Variants in DUS1L observed in about 807,000 individuals in gnomAD.
DUS1L encodes the protein dihydrouridine synthase 1 like, also known as tRNA-dihydrouridine(16/17) synthase [NAD(P)(+)]-like.
DUS1L carries 56 observed loss-of-function variants against 61.2 expected under a neutral mutation model. The observed-to-expected ratio is 0.92, with a 90% CI of 0.74 to 1.14. The LOEUF is 1.14. Among genes scored for constraint, DUS1L ranks in the 50% most tolerant of loss-of-function variants. DUS1L has a pLI of 0.00. For synonymous variants in DUS1L, 278 were observed against 259.5 expected, an observed-to-expected ratio of 1.07 and a Z score of -0.69; for missense variants, 630 against 632.4, an observed-to-expected ratio of 1.00 and a Z score of 0.04.
At chr17:82,058,558 A>G (rs977737533) in intron 12 of DUS1L, 142 bp from the exon 13 acceptor site, 11 of 1,450,280 alleles carry the variant, frequency 7.6e-6, no homozygotes, top group Non-Finnish European at 9.9e-6. Context: ...CCCAAGCCAG[A>G]TGCCTCTCCC....
In DUS1L at chr17:82,060,336, C is replaced by G; in HGVS notation, c.1023-243G>C. 1.5e-5 allele frequency: 9 copies of G among 607,158 alleles called. No individual in the cohort carries two copies. In the South Asian group the frequency reaches 1.5e-4, roughly 10 times the overall value. The allele number at this position is 607,158 out of a possible 1,614,324, so 37.6% of individuals were successfully genotyped here. A position where few individuals can be genotyped will look rare whatever the true frequency, so the allele number is the denominator to read the frequency against. ...TCTGAACCACCAGCTCCAGGGAGGG[C>G]TGTGGCCACGGATGGCCTCACCTCT... On this transcript the variant is annotated intron_variant, in intron 10 of 13. Transcript: ENST00000306796.
intron 4 of DUS1L, 113 bp from the exon 5 acceptor site, chr17:82,063,086 G>T: frequency 1.1e-6 from 1 of 940,904 alleles, no homozygotes; most frequent in South Asian, 1.4e-5. Flanking sequence ...TTGCCGGGAG[G>T]CTGGGAGGCA....
At chr17:82,061,415 A>G (rs2033488497) in intron 7 of DUS1L, 62 bp from the exon 8 acceptor site, 1 of 1,532,362 alleles carries the variant, frequency 6.5e-7, no homozygotes, top group Non-Finnish European at 8.8e-7. Context: ...GGCACAGGAA[A>G]GCCTGGGACA....
In DUS1L at chr17:82,058,252, G is replaced by A. The variant is rs2144700142; in HGVS notation, c.1285C>T (p.His429Tyr). Residue 429 changes from histidine (H) to tyrosine (Y), a missense_variant and splice_region_variant, in exon 14 of 14, where the codon CAC (histidine) becomes TAC (tyrosine). By Grantham distance (83) the His-to-Tyr change is moderately conservative. Coordinates refer to ENST00000306796, the MANE Select transcript of DUS1L (RefSeq NM_022156.5). ...AATTTGGTTTTAAAAAGCAATCCGT[G>A]ACCTGGCAGAGCGAGTGAGAGGAGT... The part of the protein sequence containing the change: ...ASKETADCPG[H>Y]GLLFKTKLEK... The A allele has an allele frequency of 6.3e-7, 1 of 1,578,220 alleles. No individual in the cohort carries two copies. Among genetic ancestry groups the A allele is most frequent in the Non-Finnish European group, 8.6e-7 (1 of 1,156,490 alleles).
chr17:82,061,831 C>G, intron 6 of DUS1L, 70 bp downstream of exon 6: 1 of 1,590,582 alleles, frequency 6.3e-7, no homozygotes, highest in South Asian at 1.1e-5. Flanking sequence ...GCCGAGCACC[C>G]TGAGGTGTGG....
At chr17:82,061,826 G>A (rs1298388676) in intron 6 of DUS1L, 75 bp downstream of exon 6, 1 of 1,586,378 alleles carries the variant, frequency 6.3e-7, no homozygotes, top group Non-Finnish European at 8.6e-7. Flanking sequence ...GGCGTGCCGA[G>A]CACCCTGAGG....
chr17:82,057,926 G>A lies in DUS1L; in HGVS notation c.*189C>T. On this transcript the variant is annotated 3_prime_UTR_variant, in exon 14 of 14. Transcript: ENST00000306796. ...TTCACTTTTGCACACGCGTGCTGAG[G>A]ACAGGGCAGGTCCAGCCTGGGGCCT... The A allele has an allele frequency of 1.7e-6, 1 of 574,614 alleles. No homozygotes were observed. The highest frequency in any genetic ancestry group is 2.8e-6 in the Non-Finnish European group (1 of 355,910). 35.6% of individuals were successfully genotyped at this position (574,614 alleles called of 1,614,324 possible). A position where few individuals can be genotyped will look rare whatever the true frequency, so the allele number is the denominator to read the frequency against.
Position 82,060,598 on chromosome 17 carries a change from AC to A in DUS1L, c.1022+102del, listed in dbSNP as rs2033435054. ...CTTTCCCTTGGGCAGGAGATGACTG[AC>A]CATAATGGCTGAGGACAAGCAGGGC... On this transcript the variant is annotated intron_variant, in intron 10 of 13. Coordinates refer to ENST00000306796, the MANE Select transcript of DUS1L (RefSeq NM_022156.5). The A allele has an allele frequency of 2.1e-6, 3 of 1,419,228 alleles. No individual in the cohort carries two copies. The African/African-American group carries it at 4.2e-5, about 20-fold the overall frequency. The allele number at this position is 1,419,228 out of a possible 1,614,324, so 87.9% of individuals were successfully genotyped here. A position where few individuals can be genotyped will look rare whatever the true frequency, so the allele number is the denominator to read the frequency against.
At chr17:82,064,613 C>T (rs1466921768) in intron 2 of DUS1L, among the ~76,000 whole-genome samples, 2 of 152,230 alleles carry the variant, frequency 1.3e-5, no homozygotes, top group Non-Finnish European at 2.9e-5. Context: ...CTGGCAGGTG[C>T]ACCTGGCAGC....
At chr17:82,062,731 C>T in intron 5 of DUS1L, 130 bp downstream of exon 5, 1 of 745,668 alleles carries the variant, frequency 1.3e-6, no homozygotes, top group Non-Finnish European at 2.2e-6. Flanking sequence ...GGGGACAGGC[C>T]AGTCAGGAGG....
chr17:82,058,736 C>T lies in DUS1L; in HGVS notation c.1206+45G>A, dbSNP rs760666251. On this transcript the variant is annotated intron_variant, in intron 12 of 13. Coordinates refer to ENST00000306796, the MANE Select transcript of DUS1L (RefSeq NM_022156.5). ...GCAGTGCAGAGACCACCCTGCCCACCCCCAAAGCTGAAGCCTTGGTGGCTT... is the reference window on the plus strand; with the variant it reads ...GCAGTGCAGAGACCACCCTGCCCACTCCCAAAGCTGAAGCCTTGGTGGCTT... 12 of 1,612,306 alleles carry T rather than the reference C, an allele frequency of 7.4e-6. No homozygotes were observed. In the South Asian group the frequency reaches 1.1e-4, roughly 15 times the overall value.
chr17:82,058,641 C>T, intron 12 of DUS1L, 140 bp downstream of exon 12: 1 of 1,537,220 alleles, frequency 6.5e-7, no homozygotes, highest in Non-Finnish European at 8.7e-7. Context: ...AGGGGCCGTC[C>T]TGAGGCATCC....
intron 7 of DUS1L, 54 bp from the exon 8 acceptor site, chr17:82,061,407 C>A: frequency 6.5e-7 from 1 of 1,537,540 alleles, no homozygotes. Flanking sequence ...AGGTGGACGG[C>A]ACAGGAAAGC....
intron 8 of DUS1L, 75 bp from the exon 9 acceptor site, chr17:82,061,036 CG>C: frequency 6.4e-7 from 1 of 1,553,834 alleles, no homozygotes; most frequent in Non-Finnish European, 8.7e-7. Flanking sequence ...ACTGGGCACA[CG>C]GGGACCTGTG....
chr17:82,061,792 C>A, intron 6 of DUS1L, 71 bp from the exon 7 acceptor site: 2 of 1,593,076 alleles, frequency 1.3e-6, no homozygotes, highest in Non-Finnish European at 1.7e-6. Flanking sequence ...CCAGCCACGG[C>A]CCCCTGGGTG....
chr17:82,059,679 AGAC>A, intron 11 of DUS1L: 1 of 499,536 alleles, frequency 2.0e-6, no homozygotes, highest in Non-Finnish European at 3.6e-6. Flanking sequence ...CCTGAGCTGT[AGAC>A]GAGCTTCACC....
At chr17:82,058,991 T>C (rs907975759) in intron 11 of DUS1L, 173 bp from the exon 12 acceptor site, 1 of 634,164 alleles carries the variant, frequency 1.6e-6, no homozygotes, top group African/African-American at 1.8e-5. Flanking sequence ...CTGCTTTTCC[T>C]TCCGTGAGCA....
rs2033530456 is a variant in DUS1L, at chr17:82,062,031, C to G, written c.511-48G>C. On this transcript the variant is annotated intron_variant, in intron 5 of 13. Coordinates refer to ENST00000306796, the MANE Select transcript of DUS1L (RefSeq NM_022156.5). ...TGACCCCTCCAAGCCCCTTCCGCCC[C>G]TCAGAGCCCCCTCCGCCCCTCCACG... 9 of 1,511,476 alleles carry G rather than the reference C, an allele frequency of 6.0e-6. No homozygotes were observed. In the East Asian group the frequency reaches 1.8e-4, roughly 31 times the overall value. The allele number at this position is 1,511,476 out of a possible 1,614,324, so 93.6% of individuals were successfully genotyped here.
At position 82,059,956 on chromosome 17, in the gene DUS1L, G is replaced by C. The variant is rs550338959; in HGVS notation, c.1160C>G (p.Ser387Cys). ...GCGGAAGCAGCACTTACGCTTCAGA[G>C]AGGGGTCGAAGGTCTTGTGGGGGTT... is the stretch of plus-strand genomic sequence containing the variant. ...LRNPHKTFDP[S>C]LKPKYAKCDQ... The change falls in exon 11 of 14, where the codon TCT becomes TGT. Residue 387 changes from serine to cysteine, a missense_variant. By Grantham distance (112) the Ser-to-Cys change is moderately radical (BLOSUM62 -1). Coordinates refer to ENST00000306796, the MANE Select transcript of DUS1L (RefSeq NM_022156.5). The C allele has an allele frequency of 6.8e-6, 11 of 1,613,904 alleles. No homozygotes were observed. The highest frequency in any genetic ancestry group is 9.3e-6 in the Non-Finnish European group (11 of 1,180,000).
Sources: allele counts gnomAD v4.1 joint callset (sites outside exome capture counted in the v4.1 genomes callset), GRCh38; gene constraint gnomAD v4.1.1; transcripts MANE v1.5; gene names NCBI Gene and HGNC (gene_info 2026-07-23, HGNC 2026-07-21).